FRMPD1: variants seen among roughly 807,000 people sequenced by gnomAD.
The protein encoded by FRMPD1 is FERM and PDZ domain containing 1, also known as FERM and PDZ domain-containing protein 1.
A neutral mutation model predicts 117.8 loss-of-function variants in FRMPD1; 76 were observed. The observed-to-expected ratio is 0.65, with a 90% CI of 0.54 to 0.78. The LOEUF (loss-of-function observed/expected upper bound fraction) is 0.78, where lower values mean the gene tolerates loss of function less well. Among genes scored for constraint, FRMPD1 ranks in the 30% least tolerant of loss-of-function variants. FRMPD1 has a pLI of 0.00. For synonymous variants in FRMPD1, 783 were observed against 770.4 expected, an observed-to-expected ratio of 1.02 and a Z score of -0.27; for missense variants, 1,786 against 1,964.5, an observed-to-expected ratio of 0.91 and a Z score of 1.72.
At chr9:37,631,489 G>C in the FRMPD1 span, among the ~76,000 whole-genome samples, 6 of 152,224 alleles carry the variant, frequency 3.9e-5, no homozygotes, top group African/African-American at 1.2e-4. Context: ...TTTGTCGAAA[G>C]AGACAAATAA....
intron 2 of FRMPD1, 82 bp from the exon 3 acceptor site, chr9:37,707,334 C>T: frequency 8.7e-7 from 1 of 1,149,130 alleles, no homozygotes. Context: ...CATCTTTCTC[C>T]ATGATGCTTA....
At chr9:37,713,392 C>T (rs531678779) in intron 5 of FRMPD1, among the ~76,000 whole-genome samples, 1 of 152,192 alleles carries the variant, frequency 6.6e-6, no homozygotes, top group Non-Finnish European at 1.5e-5. Context: ...TGGCGGATAG[C>T]TTGAGCTGAG....
At chr9:37,717,382 T>TGTGTGTG (rs1491339188) in intron 5 of FRMPD1, among the ~76,000 whole-genome samples, 1 of 86,584 alleles carries the variant, frequency 1.2e-5, no homozygotes, top group African/African-American at 4.3e-5. Flanking sequence ...TATATATATA[T>TGTGTGTG]TTTTTTTTTT....
chr9:37,675,502 T>A lies in FRMPD1; in HGVS notation c.-4-17136T>A, dbSNP rs550651965. Among the ~76,000 whole-genome samples the A allele has an allele frequency of 5.9e-5, 9 of 151,328 alleles. No individual in the cohort carries two copies. The South Asian group carries it at 1.7e-3, about 28-fold the overall frequency. ...TAGAAAGAAGTGGAAACTTGAGAGA[T>A]TGTTAAGGAGGTCACATTTACAGGA... On this transcript the variant is annotated intron_variant, in intron 1 of 15. Coordinates refer to ENST00000377765, the MANE Select transcript of FRMPD1 (RefSeq NM_014907.3).
chr9:37,609,435 C>T, the FRMPD1 span, among the ~76,000 whole-genome samples: 5 of 152,092 alleles, frequency 3.3e-5, no homozygotes, highest in Admixed American at 6.6e-5. Flanking sequence ...CTTCAGGTTG[C>T]TGAGGCCCAA....
chr9:37,616,412 C>T, the FRMPD1 span, among the ~76,000 whole-genome samples: 3 of 152,242 alleles, frequency 2.0e-5, no homozygotes, highest in East Asian at 1.9e-4. Flanking sequence ...CCACTGCGCC[C>T]GGCCCACATC....
At chr9:37,613,439 A>G in the FRMPD1 span, among the ~76,000 whole-genome samples, 1 of 152,258 alleles carries the variant, frequency 6.6e-6, no homozygotes, top group African/African-American at 2.4e-5. Context: ...ACAAACCAAC[A>G]AAATCAACTG....
At chr9:37,655,917 C>G (rs1000053410) in intron 1 of FRMPD1, among the ~76,000 whole-genome samples, 1 of 152,270 alleles carries the variant, frequency 6.6e-6, no homozygotes, top group African/African-American at 2.4e-5. Flanking sequence ...GAAGGCTAAG[C>G]TCAAATCCTA....
At chr9:37,652,844 G>A (rs986156494) in intron 1 of FRMPD1, among the ~76,000 whole-genome samples, 3 of 152,226 alleles carry the variant, frequency 2.0e-5, no homozygotes, top group Admixed American at 6.5e-5. Context: ...TGTGCCACAG[G>A]ATCTTCATTG....
the FRMPD1 span, among the ~76,000 whole-genome samples, chr9:37,625,775 T>C: frequency 6.6e-6 from 1 of 151,502 alleles, no homozygotes; most frequent in Non-Finnish European, 1.5e-5. Context: ...GGGGGTGGAG[T>C]GGTGCATCTT....
At chr9:37,647,189 C>T (rs115402141), upstream of FRMPD1, among the ~76,000 whole-genome samples, 1,211 of 152,130 alleles carry the variant, frequency 8.0e-3, 17 homozygotes, top group African/African-American at 0.026. Context: ...CCAAAAATGA[C>T]TCTTCAGAGT....
chr9:37,658,825 A>T (rs1820915315), intron 1 of FRMPD1, among the ~76,000 whole-genome samples: 1 of 152,132 alleles, frequency 6.6e-6, no homozygotes, highest in South Asian at 2.1e-4. Flanking sequence ...TCCAAATAAG[A>T]TCACATTTAC....
chr9:37,711,229 C>T, intron 4 of FRMPD1, 121 bp from the exon 5 acceptor site: 1 of 737,524 alleles, frequency 1.4e-6, no homozygotes, highest in South Asian at 1.6e-5. Context: ...AAGGAGGCTG[C>T]TTTATACTCA....
the FRMPD1 span, among the ~76,000 whole-genome samples, chr9:37,632,503 T>A: frequency 6.6e-6 from 1 of 152,236 alleles, no homozygotes; most frequent in African/African-American, 2.4e-5. Context: ...TCTCTTTCTC[T>A]ATCTCAGTTT....
the FRMPD1 span, chr9:37,637,358 G>C: frequency 6.0e-5 from 47 of 784,520 alleles, no homozygotes; most frequent in South Asian, 5.8e-4. Context: ...TTCCAAGATG[G>C]TGGCCGCCGA....
rs1247683056 is a variant in FRMPD1, at chr9:37,708,271, C to T, written c.260-128C>T. 1.5e-5 allele frequency: 10 copies of T among 649,286 alleles called. No individual in the cohort carries two copies. In the Admixed American group the frequency reaches 2.2e-4, roughly 14 times the overall value. The allele number at this position is 649,286 out of a possible 1,614,324, so 40.2% of individuals were successfully genotyped here. On this transcript the variant is annotated intron_variant, in intron 3 of 15. Transcript: ENST00000377765. ...AAGATCCACATGAGCCCAAGCCTGA[C>T]TGAAGGCGGGGGAGTGAGCCAGTGC...
intron 1 of FRMPD1, among the ~76,000 whole-genome samples, chr9:37,656,499 C>T (rs1405512792): frequency 6.6e-6 from 1 of 152,166 alleles, no homozygotes; most frequent in African/African-American, 2.4e-5. Flanking sequence ...AGCTTTCAAA[C>T]ACCAAATATA....
At position 37,740,815 on chromosome 9, in the gene FRMPD1, G is replaced by T. The variant is rs1180489056; in HGVS notation, c.2287G>T (p.Glu763Ter). The T allele has an allele frequency of 6.2e-7, 1 of 1,614,206 alleles. No individual in the cohort carries two copies. The highest frequency in any genetic ancestry group is 8.5e-7 in the Non-Finnish European group (1 of 1,180,028). The change falls in exon 15 of 16, where the codon GAG becomes TAG. Residue 763 changes from glutamate (E) to a stop codon, truncating the protein, a stop_gained. Transcript: ENST00000377765. LOFTEE classifies it high-confidence loss of function. The surrounding 1 kb of genome is among the most constrained non-coding windows in gnomAD (Gnocchi z 4.2). ...PLALHPPLAFEDGSSDEEYYD... is the reference protein window; with the variant it reads ...PLALHPPLAF The stretch of plus-strand genomic sequence containing the variant: ...GGCCCTGCACCCACCACTGGCCTTT[G>T]AGGATGGCAGCTCAGATGAGGAATA...
At chr9:37,655,664 C>T (rs7044163) in intron 1 of FRMPD1, among the ~76,000 whole-genome samples, 66,241 of 151,558 alleles carry the variant, frequency 0.44, 14,674 homozygotes, top group Middle Eastern at 0.53. Context: ...CCACCATGCC[C>T]GGCTAATTTT....
Sources: gnomAD v4.1 joint callset for allele counts (sites outside exome capture counted in the v4.1 genomes callset) on GRCh38, gnomAD v4.1.1 for gene constraint, Gnocchi (gnomAD v3.1) non-coding constraint, MANE v1.5 for transcripts, NCBI Gene and HGNC (gene_info 2026-07-23, HGNC 2026-07-21) for gene names.